The following TTC28 variants were observed in gnomAD, a reference collection of about 807,000 sequenced individuals.
TTC28 encodes tetratricopeptide repeat protein 28.
In TTC28, 61 loss-of-function variants were observed where a neutral mutation model predicts 198.0. The observed-to-expected ratio is 0.31, with a 90% confidence interval of 0.25 to 0.38. The LOEUF (loss-of-function observed/expected upper bound fraction) is 0.38. Ranked by LOEUF, TTC28 falls within the 10% of genes least tolerant of loss-of-function variation. The pLI is 1.00. For synonymous variants in TTC28, 1,171 were observed against 1,297.8 expected (o/e 0.90, Z 2.10); for missense variants, 2,678 against 3,164.0 (o/e 0.85, Z 3.69).
At chr22:28,368,414 A>G (rs1158131790) in intron 2 of TTC28, among the ~76,000 whole-genome samples, 1 of 152,124 alleles carries the variant, frequency 6.6e-6, no homozygotes. Context: ...TAAAAGCCAT[A>G]TATGACAGAC....
At chr22:28,373,409 C>T (rs541061813) in intron 2 of TTC28, among the ~76,000 whole-genome samples, 53 of 152,258 alleles carry the variant, frequency 3.5e-4, no homozygotes, top group African/African-American at 1.3e-3. Flanking sequence ...GGCTGCTTTG[C>T]TAATACAGTA....
At chr22:28,457,486 A>G (rs1175493100) in intron 2 of TTC28, among the ~76,000 whole-genome samples, 1 of 152,182 alleles carries the variant, frequency 6.6e-6, no homozygotes, top group African/African-American at 2.4e-5. Flanking sequence ...CCTACAAGAA[A>G]CCTAAAAAGA....
chr22:28,318,624 T>C (rs192660250), intron 2 of TTC28, among the ~76,000 whole-genome samples: 1 of 152,184 alleles, frequency 6.6e-6, no homozygotes. Flanking sequence ...TGTTCCACCT[T>C]GCTTAGAACT....
chr22:28,571,097 T>C (rs1163651227), intron 2 of TTC28, among the ~76,000 whole-genome samples: 3 of 152,176 alleles, frequency 2.0e-5, no homozygotes, highest in Admixed American at 6.5e-5. Flanking sequence ...GGAAAGCATA[T>C]GTCCTGAATA....
intron 6 of TTC28, among the ~76,000 whole-genome samples, chr22:28,128,037 C>T (rs899891996): frequency 6.6e-6 from 1 of 152,032 alleles, no homozygotes; most frequent in Admixed American, 6.6e-5. Flanking sequence ...ACACCTTCTT[C>T]ATTTCTAGAT....
At chr22:28,049,557 G>A (rs1018601176) in intron 12 of TTC28, among the ~76,000 whole-genome samples, 2 of 152,128 alleles carry the variant, frequency 1.3e-5, no homozygotes, top group South Asian at 2.1e-4. Context: ...AGGCTGGTCC[G>A]AAATCCATGG....
chr22:27,985,350 T>G lies in TTC28; in HGVS notation c.5714A>C (p.Asp1905Ala). The G allele has an allele frequency of 6.4e-7, 1 of 1,550,676 alleles. No individual in the cohort carries two copies. The highest frequency in any genetic ancestry group is 1.4e-5 in the African/African-American group (1 of 73,110). ...CHEFLAALGF[D>A]LCEVGQEEVI... ...TTCCTCCTGACCAACTTCACAGAGA[T>G]CAAAACCTAGAGGAACAAAGAATAT... The change falls in exon 22 of 23, where the codon GAT becomes GCT. Residue 1905 changes from aspartate (D) to alanine (A), a missense_variant. Asp to Ala is a moderately radical substitution (Grantham distance 126). Coordinates refer to ENST00000397906, the MANE Select transcript of TTC28 (RefSeq NM_001145418.2).
chr22:28,403,568 A>G (rs144690364), intron 2 of TTC28, among the ~76,000 whole-genome samples: 21 of 152,312 alleles, frequency 1.4e-4, no homozygotes, highest in Non-Finnish European at 2.8e-4. Flanking sequence ...GTCTCCATGA[A>G]GGCTCATTTT....
intron 2 of TTC28, among the ~76,000 whole-genome samples, chr22:28,491,870 T>A (rs907734640): frequency 1.3e-5 from 2 of 152,090 alleles, no homozygotes; most frequent in African/African-American, 2.4e-5. Flanking sequence ...CAAATGTCCA[T>A]CAATGATAGA....
At chr22:28,450,426 T>C (rs192763335) in intron 2 of TTC28, among the ~76,000 whole-genome samples, 10 of 152,344 alleles carry the variant, frequency 6.6e-5, no homozygotes. Flanking sequence ...TGCTCTTTTG[T>C]TACTTCATTT....
intron 5 of TTC28, among the ~76,000 whole-genome samples, chr22:28,178,789 T>G (rs929884099): frequency 2.0e-5 from 3 of 152,310 alleles, no homozygotes; most frequent in Non-Finnish European, 4.4e-5. Context: ...TTACACCCAT[T>G]GGTGAGATAA....
intron 12 of TTC28, among the ~76,000 whole-genome samples, chr22:28,089,017 G>A (rs1441007490): frequency 6.6e-6 from 1 of 152,174 alleles, no homozygotes; most frequent in African/African-American, 2.4e-5. Context: ...GGAAACAACA[G>A]GTGCTGGAGA....
At chr22:28,299,920 T>C (rs1010579200) in intron 3 of TTC28, among the ~76,000 whole-genome samples, 7 of 152,018 alleles carry the variant, frequency 4.6e-5, no homozygotes, top group Non-Finnish European at 7.4e-5. Context: ...AAGAAACACA[T>C]TGAGTGACTA....
At chr22:28,510,243 G>A (rs901209202) in intron 2 of TTC28, among the ~76,000 whole-genome samples, 8 of 152,066 alleles carry the variant, frequency 5.3e-5, no homozygotes, top group African/African-American at 1.9e-4. Context: ...TCAATATCCT[G>A]ATGAACATCA....
chr22:28,553,506 T>C (rs928908667), intron 2 of TTC28, among the ~76,000 whole-genome samples: 14 of 149,544 alleles, frequency 9.4e-5, no homozygotes, highest in African/African-American at 3.5e-4. Context: ...GGAGCGTCTC[T>C]GCCCGGCCGC....
At chr22:28,499,837 T>C (rs1339058668) in intron 2 of TTC28, among the ~76,000 whole-genome samples, 1 of 152,188 alleles carries the variant, frequency 6.6e-6, no homozygotes, top group Non-Finnish European at 1.5e-5. Flanking sequence ...GACATATTTA[T>C]GGGGTACACA....
chr22:28,430,554 T>TA (rs2047415564), intron 2 of TTC28, among the ~76,000 whole-genome samples: 1 of 152,132 alleles, frequency 6.6e-6, no homozygotes, highest in Non-Finnish European at 1.5e-5. Context: ...CATTCAAAGA[T>TA]AAACTAGTCA....
chr22:28,086,841 C>A (rs998601248), intron 12 of TTC28, among the ~76,000 whole-genome samples: 22 of 152,022 alleles, frequency 1.4e-4, no homozygotes, highest in East Asian at 5.8e-4. Context: ...CACCACCGAT[C>A]CCACAGAAAT....
At chr22:28,100,829 G>A (rs560291273) in intron 9 of TTC28, among the ~76,000 whole-genome samples, 1 of 152,296 alleles carries the variant, frequency 6.6e-6, no homozygotes, top group African/African-American at 2.4e-5. Context: ...GGGAGAGAGA[G>A]AAGTTATATC....
Sources: gnomAD v4.1 joint callset for allele counts (sites outside exome capture counted in the v4.1 genomes callset) on GRCh38, gnomAD v4.1.1 for gene constraint, MANE v1.5 for transcripts, NCBI Gene and HGNC (gene_info 2026-07-23, HGNC 2026-07-21) for gene names.